CLCN5: variants seen among roughly 807,000 people sequenced by gnomAD.
The protein encoded by CLCN5 is H(+)/Cl(-) exchange transporter 5.
Under a neutral mutation model 54.0 loss-of-function variants are expected in CLCN5, and 17 were observed. The ratio of observed to expected loss-of-function variants is 0.31; its 90% CI spans 0.22 to 0.47. The LOEUF is 0.47. Among genes scored for constraint, CLCN5 ranks in the 20% least tolerant of loss-of-function variants. The pLI is 1.00. For synonymous variants in CLCN5, 222 were observed against 233.0 expected (o/e 0.95, Z 0.43); for missense variants, 448 against 646.7 (o/e 0.69, Z 3.33).
chrX:49,933,068 C>G (rs1288966072), intron 3 of CLCN5, among the ~76,000 whole-genome samples: 1 of 110,536 alleles, frequency 9.0e-6, no homozygotes, highest in Non-Finnish European at 1.9e-5. Context: ...GCCATCTGGT[C>G]CTGCTTGTTG....
chrX:50,008,711 A>C (rs1217384067), intron 3 of CLCN5, among the ~76,000 whole-genome samples: 1 of 112,202 alleles, frequency 8.9e-6, no homozygotes, highest in Admixed American at 9.4e-5. Context: ...CATTACACCT[A>C]CATGCCCTGA....
chrX:50,025,726 C>T (rs1931346899), intron 3 of CLCN5, among the ~76,000 whole-genome samples: 1 of 110,635 alleles, frequency 9.0e-6, no homozygotes, highest in South Asian at 3.9e-4. Context: ...ATCCCGTTTC[C>T]TTTTCCCCTC....
At chrX:50,050,633 C>T (rs991691549) in intron 4 of CLCN5, among the ~76,000 whole-genome samples, 39 of 101,229 alleles carry the variant, frequency 3.9e-4, no homozygotes, top group Non-Finnish European at 7.0e-4. Flanking sequence ...ATGTCTTATC[C>T]TAGTCTGTGG....
At chrX:50,064,347 G>A (rs1932926487) in intron 4 of CLCN5, among the ~76,000 whole-genome samples, 1 of 99,969 alleles carries the variant, frequency 1.0e-5, no homozygotes, top group South Asian at 5.0e-4. Flanking sequence ...AAAATCACAA[G>A]CATTCCTATA....
intron 3 of CLCN5, among the ~76,000 whole-genome samples, chrX:49,929,137 G>C (rs1353131192): frequency 9.0e-6 from 1 of 111,125 alleles, no homozygotes; most frequent in Non-Finnish European, 1.9e-5. Context: ...AGCTTGTTGA[G>C]GAACCCTAAG....
At chrX:49,990,537 A>G (rs1557178801) in intron 3 of CLCN5, among the ~76,000 whole-genome samples, 1 of 111,167 alleles carries the variant, frequency 9.0e-6, no homozygotes, top group Non-Finnish European at 1.9e-5. Flanking sequence ...TCCCAGGTTC[A>G]AGCAATTCTC....
At chrX:49,997,817 G>A (rs1557179863) in intron 3 of CLCN5, among the ~76,000 whole-genome samples, 2 of 110,069 alleles carry the variant, frequency 1.8e-5, no homozygotes, top group East Asian at 5.8e-4. Flanking sequence ...CACCATGCCT[G>A]GCCAATAATA....
At chrX:50,055,134 G>T (rs1016263246) in intron 4 of CLCN5, among the ~76,000 whole-genome samples, 3 of 111,490 alleles carry the variant, frequency 2.7e-5, no homozygotes, top group African/African-American at 9.8e-5. Flanking sequence ...TTATGATCTT[G>T]CCAGTAGAAC....
intron 3 of CLCN5, among the ~76,000 whole-genome samples, chrX:50,039,786 G>A (rs954473517): frequency 1.8e-5 from 2 of 109,955 alleles, no homozygotes; most frequent in African/African-American, 6.6e-5. Flanking sequence ...TCCGCCTCCC[G>A]GTTTCAAGCG....
chrX:50,088,820 T>C lies in CLCN5; in HGVS notation c.1680T>C (p.Cys560=). The change falls in exon 12 of 15, where the codon TGT becomes TGC. Residue 560 remains cysteine, a synonymous_variant. Transcript: ENST00000376091. ...AATGGACCGTCTTCAATAGCTGGTG[T>C]AGTCAGGGAGCTGATTGCATCACCC... ...HQEWTVFNSW[C]SQGADCITPG... 4.1e-6 allele frequency: 5 copies of C among 1,211,692 alleles called. No homozygotes were observed. The highest frequency in any genetic ancestry group is 5.6e-6 in the Non-Finnish European group (5 of 895,274).
intron 14 of CLCN5, among the ~76,000 whole-genome samples, chrX:50,091,313 G>T (rs1934092692): frequency 8.9e-6 from 1 of 111,873 alleles, no homozygotes; most frequent in African/African-American, 3.3e-5. Context: ...ATAAATAGTA[G>T]AGAAAGGCTT....
At chrX:49,961,556 C>T (rs1287539366) in intron 3 of CLCN5, among the ~76,000 whole-genome samples, 2 of 111,693 alleles carry the variant, frequency 1.8e-5, no homozygotes, top group Non-Finnish European at 3.8e-5. Context: ...CTTCTATAAT[C>T]GAGTGCCAGA....
chrX:49,952,299 T>G (rs1485745864), intron 3 of CLCN5, among the ~76,000 whole-genome samples: 1 of 110,920 alleles, frequency 9.0e-6, no homozygotes. Context: ...AAGTCTGGCC[T>G]TTCCTTTCAG....
intron 4 of CLCN5, among the ~76,000 whole-genome samples, chrX:50,046,487 T>C (rs958147474): frequency 7.2e-5 from 8 of 111,697 alleles, no homozygotes; most frequent in Non-Finnish European, 1.1e-4. Flanking sequence ...GAGCCTTTTA[T>C]ATTCAAGAAA....
intron 3 of CLCN5, among the ~76,000 whole-genome samples, chrX:50,027,738 T>G (rs1602065371): frequency 9.0e-6 from 1 of 111,132 alleles, no homozygotes; most frequent in Non-Finnish European, 1.9e-5. Flanking sequence ...TTTTTTTTTT[T>G]TGTCCTTTAG....
At chrX:50,081,508 G>C (rs1933699767) in intron 8 of CLCN5, 133 bp from the exon 9 acceptor site, 1 of 521,284 alleles carries the variant, frequency 1.9e-6, no homozygotes, top group Non-Finnish European at 3.3e-6. Flanking sequence ...TCCAAACAGG[G>C]ATCACTGTAG....
At chrX:50,030,926 C>G (rs781996574) in intron 3 of CLCN5, among the ~76,000 whole-genome samples, 3 of 111,763 alleles carry the variant, frequency 2.7e-5, no homozygotes, top group African/African-American at 6.5e-5. Context: ...AGGAGTTTTG[C>G]ATGTATGTTC....
chrX:50,054,639 C>A (rs1367212620), intron 4 of CLCN5: 1 of 111,947 alleles, frequency 8.9e-6, no homozygotes, highest in Non-Finnish European at 1.9e-5. Flanking sequence ...TCCAGGTAAG[C>A]AGATCTCAGC....
At chrX:49,981,583 GAAGTTTTA>G (rs782408834) in intron 3 of CLCN5, among the ~76,000 whole-genome samples, 6 of 110,734 alleles carry the variant, frequency 5.4e-5, no homozygotes, top group Non-Finnish European at 1.1e-4. Context: ...ATTTTTAAGT[GAAGTTTTA>G]AAGTATTAAA....
Sources: allele counts gnomAD v4.1 joint callset (sites outside exome capture counted in the v4.1 genomes callset), GRCh38; gene constraint gnomAD v4.1.1; transcripts MANE v1.5; gene names NCBI Gene and HGNC (gene_info 2026-07-23, HGNC 2026-07-21).